TMEM132D: variants seen among roughly 807,000 people sequenced by gnomAD.
The protein encoded by TMEM132D is mature OL transmembrane protein.
A neutral mutation model predicts 62.3 loss-of-function variants in TMEM132D; 21 were observed. The ratio of observed to expected loss-of-function variants is 0.34; its 90% CI spans 0.24 to 0.49. The LOEUF is 0.49. Among genes scored for constraint, TMEM132D ranks in the 20% least tolerant of loss-of-function variants. TMEM132D has a pLI of 0.99. For missense variants in TMEM132D, 1,346 were observed against 1,402.8 expected (o/e 0.96, Z 0.65); for synonymous variants, 621 against 575.6 (o/e 1.08, Z -1.13).
At chr12:129,510,168 T>C (rs1256721626) in intron 3 of TMEM132D, among the ~76,000 whole-genome samples, 1 of 152,190 alleles carries the variant, frequency 6.6e-6, no homozygotes, top group Non-Finnish European at 1.5e-5. Context: ...TCATTTTAAC[T>C]GTAGTGAGAT....
At chr12:129,554,193 C>T (rs1358961867) in intron 2 of TMEM132D, among the ~76,000 whole-genome samples, 1 of 152,188 alleles carries the variant, frequency 6.6e-6, no homozygotes, top group Non-Finnish European at 1.5e-5. Flanking sequence ...TTGGCCACAC[C>T]AAGCCAGGGT....
intron 3 of TMEM132D, among the ~76,000 whole-genome samples, chr12:129,468,636 G>A (rs773809619): frequency 6.6e-6 from 1 of 152,100 alleles, no homozygotes; most frequent in African/African-American, 2.4e-5. Flanking sequence ...AAAGCAAGTT[G>A]ATCCATAAAT....
At chr12:129,839,618 C>T (rs1490968359) in intron 1 of TMEM132D, among the ~76,000 whole-genome samples, 1 of 152,106 alleles carries the variant, frequency 6.6e-6, no homozygotes, top group Non-Finnish European at 1.5e-5. Context: ...AATTCCCCTT[C>T]TGGGAATATG....
chr12:129,076,022 C>A (rs2135607085), intron 8 of TMEM132D, among the ~76,000 whole-genome samples: 1 of 152,128 alleles, frequency 6.6e-6, no homozygotes, highest in East Asian at 1.9e-4. Context: ...ACAGCAACAG[C>A]TGATTGAAAT....
At chr12:129,756,124 G>A (rs573354476) in intron 1 of TMEM132D, among the ~76,000 whole-genome samples, 8 of 152,302 alleles carry the variant, frequency 5.3e-5, no homozygotes, top group Admixed American at 1.3e-4. Context: ...AGGGGATAGA[G>A]GTAGTGGAAA....
intron 4 of TMEM132D, among the ~76,000 whole-genome samples, chr12:129,321,561 T>TG (rs1868706385): frequency 6.6e-6 from 1 of 150,596 alleles, no homozygotes; most frequent in African/African-American, 2.5e-5. Context: ...GCAGATCTTT[T>TG]CTTTTTTTTT....
intron 1 of TMEM132D, among the ~76,000 whole-genome samples, chr12:129,749,463 CTTTTT>C (rs67597510): frequency 2.8e-5 from 4 of 143,330 alleles, no homozygotes; most frequent in Non-Finnish European, 4.6e-5. Context: ...TGAAAAGAAT[CTTTTT>C]TTTTTTTTTT....
At chr12:129,871,224 G>A (rs564729221) in intron 1 of TMEM132D, among the ~76,000 whole-genome samples, 2 of 152,288 alleles carry the variant, frequency 1.3e-5, no homozygotes, top group African/African-American at 2.4e-5. Flanking sequence ...CAAATCCCGT[G>A]AGAGTGAAGT....
chr12:129,536,874 C>A (rs936541134), intron 2 of TMEM132D, among the ~76,000 whole-genome samples: 2 of 152,052 alleles, frequency 1.3e-5, no homozygotes, highest in African/African-American at 2.4e-5. Flanking sequence ...TTTTCATATG[C>A]GGCCGGGCGC....
chr12:129,868,117 G>A (rs1445177072), intron 1 of TMEM132D, among the ~76,000 whole-genome samples: 1 of 149,088 alleles, frequency 6.7e-6, no homozygotes, highest in African/African-American at 2.5e-5. Flanking sequence ...GCATTTGTAT[G>A]GTACACACAT....
intron 3 of TMEM132D, among the ~76,000 whole-genome samples, chr12:129,477,310 T>A (rs1874293314): frequency 6.6e-6 from 1 of 152,060 alleles, no homozygotes; most frequent in African/African-American, 2.4e-5. Flanking sequence ...AAGACCCCCC[T>A]CCTCATCCTG....
At chr12:129,504,764 G>T (rs890161404) in intron 3 of TMEM132D, among the ~76,000 whole-genome samples, 1 of 151,950 alleles carries the variant, frequency 6.6e-6, no homozygotes, top group Non-Finnish European at 1.5e-5. Flanking sequence ...GCTGGGTTTG[G>T]GTTTGTTCTT....
chr12:129,818,538 G>C (rs1202260494), intron 1 of TMEM132D, among the ~76,000 whole-genome samples: 1 of 149,810 alleles, frequency 6.7e-6, no homozygotes, highest in Non-Finnish European at 1.5e-5. Flanking sequence ...TGGTTTGGGT[G>C]CATATATGTG....
chr12:129,835,762 A>G (rs1299373707), intron 1 of TMEM132D, among the ~76,000 whole-genome samples: 2 of 152,250 alleles, frequency 1.3e-5, no homozygotes, highest in South Asian at 4.2e-4. Context: ...ATTTTCCCCA[A>G]TGCCTTGCAG....
intron 3 of TMEM132D, among the ~76,000 whole-genome samples, chr12:129,383,061 T>C (rs1178135859): frequency 6.6e-6 from 1 of 152,000 alleles, no homozygotes; most frequent in African/African-American, 2.4e-5. Flanking sequence ...CACTGAGGAG[T>C]TTGCTACTCT....
intron 1 of TMEM132D, among the ~76,000 whole-genome samples, 192 bp from the exon 2 acceptor site, chr12:129,700,890 C>T (rs1321842214): frequency 6.6e-6 from 1 of 152,178 alleles, no homozygotes; most frequent in Non-Finnish European, 1.5e-5. Context: ...ATGCCACCAA[C>T]CTAAGTAGAA....
At chr12:129,414,108 A>T (rs1011343169) in intron 3 of TMEM132D, among the ~76,000 whole-genome samples, 7 of 152,198 alleles carry the variant, frequency 4.6e-5, no homozygotes, top group Admixed American at 6.5e-5. Flanking sequence ...CACCCTGCTG[A>T]ATCTCTCCGC....
chr12:129,638,963 A>C (rs1187489188), intron 2 of TMEM132D, among the ~76,000 whole-genome samples: 1 of 152,198 alleles, frequency 6.6e-6, no homozygotes, highest in Non-Finnish European at 1.5e-5. Flanking sequence ...ACAAACCTGG[A>C]TTGAAGTATC....
At chr12:129,504,791 G>A (rs1019304825) in intron 3 of TMEM132D, among the ~76,000 whole-genome samples, 4 of 152,026 alleles carry the variant, frequency 2.6e-5, no homozygotes, top group African/African-American at 9.7e-5. Flanking sequence ...CTAGTTCCTT[G>A]AGGTGTGACC....
Sources: gnomAD v4.1 joint callset for allele counts (sites outside exome capture counted in the v4.1 genomes callset) on GRCh38, gnomAD v4.1.1 for gene constraint, MANE v1.5 for transcripts, NCBI Gene and HGNC (gene_info 2026-07-23, HGNC 2026-07-21) for gene names.